Variants in DOCK8 observed in about 807,000 individuals in gnomAD.
DOCK8 encodes dedicator of cytokinesis 8, also known as dedicator of cytokinesis protein 8.
DOCK8 carries 141 observed loss-of-function variants against 245.6 expected under a neutral mutation model. The observed-to-expected ratio is 0.57, with a 90% confidence interval of 0.50 to 0.66. DOCK8 has a LOEUF of 0.66. Ranked by LOEUF, DOCK8 falls within the 30% of genes least tolerant of loss-of-function variation. The probability of loss-of-function intolerance (pLI) is 0.00; values close to 1 mark genes in which losing one functional copy is unlikely to be tolerated. For synonymous variants in DOCK8, 1,168 were observed against 970.2 expected (o/e 1.20, Z -3.79); for missense variants, 2,965 against 2,603.4 (o/e 1.14, Z -3.02).
At chr9:373,584 A>G (rs762476763) in intron 18 of DOCK8, among the ~76,000 whole-genome samples, 1 of 152,204 alleles carries the variant, frequency 6.6e-6, no homozygotes, top group Non-Finnish European at 1.5e-5. Context: ...CTTTCCTTGC[A>G]ATTTTAAGTT....
In DOCK8 at chr9:244,906, C is replaced by G. The variant is rs77005968; in HGVS notation, c.54-26721C>G. 5.4e-3 allele frequency among the ~76,000 whole-genome samples: 827 copies of G among 152,302 alleles called. 7 individuals carry two copies. The highest frequency in any genetic ancestry group is 0.019 in the African/African-American group (788 of 41,560). On this transcript the variant is annotated intron_variant, in intron 1 of 47. Coordinates refer to ENST00000432829, the MANE Select transcript of DOCK8 (RefSeq NM_203447.4). ...AGACTGGCTGATGCCTCACCAAATT[C>G]TGGGGACAGGTGCCTTTCTCCAGGG...
At chr9:275,600 A>G (rs1045744870) in intron 2 of DOCK8, among the ~76,000 whole-genome samples, 2 of 152,110 alleles carry the variant, frequency 1.3e-5, no homozygotes. Context: ...ATTTTAATGT[A>G]TTTTTTGAGA....
chr9:316,811 CTT>C (rs1268092425), intron 6 of DOCK8, among the ~76,000 whole-genome samples: 2 of 152,150 alleles, frequency 1.3e-5, no homozygotes, highest in African/African-American at 4.8e-5. Flanking sequence ...GCTTCAGTCT[CTT>C]TGTCTTGAAT....
At chr9:218,827 T>C (rs13284536) in intron 1 of DOCK8, among the ~76,000 whole-genome samples, 8,582 of 152,288 alleles carry the variant, frequency 0.056, 290 homozygotes, top group South Asian at 0.085. Context: ...AATAATGGCT[T>C]ACACTTCTAG....
Position 272,920 on chromosome 9 carries a change from A to C in DOCK8, c.156+1191A>C, listed in dbSNP as rs778756321. The C allele has an allele frequency of 3.0e-4, 135 of 448,698 alleles. 1 individual carries two copies. In the Middle Eastern group the frequency reaches 4.5e-3, roughly 15 times the overall value. The allele number at this position is 448,698 out of a possible 1,614,324, so 27.8% of individuals were successfully genotyped here. ...CTGTACTCACTTCCTCACACAGCACAGCAGCACTCTTGCTGGTTCTGCTGC... is the reference window on the plus strand; with the variant it reads ...CTGTACTCACTTCCTCACACAGCACCGCAGCACTCTTGCTGGTTCTGCTGC... On this transcript the variant is annotated intron_variant, in intron 2 of 47. Coordinates refer to ENST00000432829, the MANE Select transcript of DOCK8 (RefSeq NM_203447.4).
At chr9:342,561 A>G (rs1416393442) in intron 14 of DOCK8, among the ~76,000 whole-genome samples, 3 of 150,614 alleles carry the variant, frequency 2.0e-5, no homozygotes, top group Non-Finnish European at 4.4e-5. Context: ...CCTCCGCCTC[A>G]CAGGTTCAAA....
intron 6 of DOCK8, among the ~76,000 whole-genome samples, chr9:315,317 TTC>T (rs1447120087): frequency 5.3e-5 from 8 of 152,226 alleles, no homozygotes; most frequent in African/African-American, 1.9e-4. Context: ...CATTTCCACT[TTC>T]TGTTTGCTTG....
chr9:286,665 A>G, intron 3 of DOCK8, 29 bp downstream of exon 3: 1 of 1,609,360 alleles, frequency 6.2e-7, no homozygotes, highest in Non-Finnish European at 8.5e-7. Flanking sequence ...TGTAGATGTG[A>G]TTGGGATTGT....
In DOCK8 at chr9:420,441, G is replaced by T. The variant is rs759725406; in HGVS notation, c.3881G>T (p.Arg1294Leu). Residue 1294 changes from arginine (R) to leucine (L), a missense_variant, in exon 31 of 48, where the codon CGC (arginine) becomes CTC (leucine). Arg to Leu is a moderately radical substitution (Grantham distance 102, BLOSUM62 -2). This residue lies in a region of DOCK8 where 2,825 missense variants were observed against 2,453.5 expected (regional missense o/e 1.15). Coordinates refer to ENST00000432829, the MANE Select transcript of DOCK8 (RefSeq NM_203447.4). ...AACATGCTGAACGCGGACACTACTC[G>T]CAACCTCATGATCTGCTTCCTCTGG... ...QYNMLNADTTRNLMICFLWIM... is the reference protein window; with the variant it reads ...QYNMLNADTTLNLMICFLWIM... 1.2e-6 allele frequency: 2 copies of T among 1,614,040 alleles called. No individual in the cohort carries two copies. The highest frequency in any genetic ancestry group is 1.7e-6 in the Non-Finnish European group (2 of 1,180,028).
intron 1 of DOCK8, among the ~76,000 whole-genome samples, chr9:258,159 C>T (rs1397709515): frequency 1.3e-5 from 2 of 152,184 alleles, no homozygotes; most frequent in African/African-American, 2.4e-5. Context: ...CTCCATTTCC[C>T]CTTATAGCAA....
At chr9:234,999 T>G (rs1248056963) in intron 1 of DOCK8, among the ~76,000 whole-genome samples, 2 of 152,242 alleles carry the variant, frequency 1.3e-5, no homozygotes, top group Non-Finnish European at 2.9e-5. Flanking sequence ...CCAGTTTTTC[T>G]GCTCTGTTTT....
intron 24 of DOCK8, among the ~76,000 whole-genome samples, chr9:395,235 C>A (rs10758504): frequency 0.55 from 84,046 of 151,950 alleles, 24,319 homozygotes; most frequent in East Asian, 0.75. Context: ...CATGGTTTCT[C>A]TACTGAGCTT....
At chr9:235,872 C>T (rs550125882) in intron 1 of DOCK8, among the ~76,000 whole-genome samples, 40 of 152,326 alleles carry the variant, frequency 2.6e-4, no homozygotes, top group Non-Finnish European at 5.3e-4. Context: ...ATGCCTTGCC[C>T]TGCTTCGGCT....
chr9:400,289 C>T (rs1462715607), intron 26 of DOCK8, among the ~76,000 whole-genome samples: 25 of 69,524 alleles, frequency 3.6e-4, no homozygotes, highest in African/African-American at 1.1e-3. Context: ...ACTTCCTTCA[C>T]CACCACCACC....
intron 26 of DOCK8, among the ~76,000 whole-genome samples, chr9:403,950 A>ATATG (rs2055275869): frequency 1.2e-5 from 1 of 80,074 alleles, no homozygotes; most frequent in African/African-American, 8.1e-5. Flanking sequence ...ATATGTGTAT[A>ATATG]TATATATATG....
intron 1 of DOCK8, among the ~76,000 whole-genome samples, chr9:249,754 A>T (rs530387575): frequency 2.7e-5 from 4 of 150,906 alleles, no homozygotes; most frequent in Admixed American, 2.6e-4. Flanking sequence ...AGTAACTGGG[A>T]TTACAGGTGC....
chr9:446,859 TATTTA>T (rs555043807), intron 44 of DOCK8, among the ~76,000 whole-genome samples: 44 of 151,784 alleles, frequency 2.9e-4, no homozygotes, highest in African/African-American at 8.9e-4. Flanking sequence ...TGTGTTTATG[TATTTA>T]ATTATAATAT....
At chr9:293,908 A>T (rs1274497865) in intron 4 of DOCK8, among the ~76,000 whole-genome samples, 1 of 152,212 alleles carries the variant, frequency 6.6e-6, no homozygotes, top group African/African-American at 2.4e-5. Flanking sequence ...GAGGTGCATT[A>T]AGGAAAAGGC....
chr9:276,573 C>G (rs1283951083), intron 2 of DOCK8, among the ~76,000 whole-genome samples: 2 of 151,972 alleles, frequency 1.3e-5, no homozygotes, highest in Admixed American at 1.3e-4. Context: ...TAAACTTGTC[C>G]CAGGTCTATT....
Sources: gnomAD v4.1 joint callset for allele counts (sites outside exome capture counted in the v4.1 genomes callset) on GRCh38, gnomAD v4.1.1 for gene constraint, gnomAD v4.1.1 regional missense constraint, MANE v1.5 for transcripts, NCBI Gene and HGNC (gene_info 2026-07-23, HGNC 2026-07-21) for gene names.